Variants in TMED3 observed in about 807,000 individuals in gnomAD.
The protein encoded by TMED3 is transmembrane p24 trafficking protein 3.
Under a neutral mutation model 15.0 loss-of-function variants are expected in TMED3, and 9 were observed. The ratio of observed to expected loss-of-function variants is 0.60; its 90% CI spans 0.36 to 1.04. The LOEUF (loss-of-function observed/expected upper bound fraction) is 1.04. TMED3 is among the 50% of genes least tolerant of loss of function. TMED3 has a pLI of 0.01. For missense variants in TMED3, 267 were observed against 278.9 expected (o/e 0.96, Z 0.30); for synonymous variants, 117 against 121.4 (o/e 0.96, Z 0.24).
chr15:79,360,763 C>T (rs904856812), intron 2 of TMED3, among the ~76,000 whole-genome samples: 4 of 152,060 alleles, frequency 2.6e-5, no homozygotes, highest in Non-Finnish European at 4.4e-5. Flanking sequence ...TGCCATAAAA[C>T]GAAAAACAAT....
chr15:79,408,985 A>G (rs1213237929), intron 2 of TMED3, among the ~76,000 whole-genome samples: 5 of 152,226 alleles, frequency 3.3e-5, no homozygotes, highest in Non-Finnish European at 7.3e-5. Flanking sequence ...ACTTGACTCA[A>G]TATAGATTTC....
chr15:79,366,155 C>T (rs1356081818), intron 2 of TMED3, among the ~76,000 whole-genome samples: 1 of 152,162 alleles, frequency 6.6e-6, no homozygotes, highest in Non-Finnish European at 1.5e-5. Flanking sequence ...ATATAGCTCA[C>T]AATATCATCA....
chr15:79,343,904 G>GA (rs2058859943), intron 2 of TMED3, among the ~76,000 whole-genome samples: 1 of 152,172 alleles, frequency 6.6e-6, no homozygotes, highest in Non-Finnish European at 1.5e-5. Flanking sequence ...TTTTGGCCAT[G>GA]TTAAGTTGGA....
intron 2 of TMED3, among the ~76,000 whole-genome samples, chr15:79,335,063 T>C (rs2058822456): frequency 6.6e-6 from 1 of 151,898 alleles, no homozygotes; most frequent in African/African-American, 2.4e-5. Context: ...AAGCTGAAAG[T>C]TATTAGGGAG....
chr15:79,323,584 A>G (rs1429790909), downstream of TMED3, among the ~76,000 whole-genome samples: 6 of 152,212 alleles, frequency 3.9e-5, no homozygotes, highest in African/African-American at 7.2e-5. Context: ...TACCTAGATT[A>G]AGCACTGCAA....
At chr15:79,314,391 A>G (rs1296291133) in intron 2 of TMED3, 4 of 381,222 alleles carry the variant, frequency 1.0e-5, no homozygotes, top group Non-Finnish European at 2.1e-5. Flanking sequence ...AAGGTGCTGT[A>G]ACAAAATAAA....
chr15:79,410,499 G>A (rs1451837717), intron 2 of TMED3, among the ~76,000 whole-genome samples: 1 of 152,164 alleles, frequency 6.6e-6, no homozygotes, highest in East Asian at 1.9e-4. Context: ...CAGCATGCCA[G>A]ACAGGATGTT....
intron 2 of TMED3, among the ~76,000 whole-genome samples, chr15:79,405,443 A>C (rs1234428941): frequency 6.6e-6 from 1 of 152,124 alleles, no homozygotes; most frequent in Non-Finnish European, 1.5e-5. Context: ...CCTGCTCAAA[A>C]CTGGAAGCCT....
downstream of TMED3, among the ~76,000 whole-genome samples, chr15:79,327,585 A>G (rs1363216017): frequency 2.0e-5 from 3 of 152,248 alleles, no homozygotes; most frequent in Non-Finnish European, 4.4e-5. Context: ...TTGATCCTGT[A>G]TGCGAATGTG....
At chr15:79,403,220 CAAAAAAAAAAAAAAAAA>C (rs71150908) in intron 2 of TMED3, among the ~76,000 whole-genome samples, 12 of 65,418 alleles carry the variant, frequency 1.8e-4, no homozygotes, top group African/African-American at 7.7e-5. Context: ...GACTCTGTCT[CAAAAAAAAAAAAAAAAA>C]AAAAAAAAAA....
At chr15:79,410,118 A>T (rs965505448) in intron 2 of TMED3, among the ~76,000 whole-genome samples, 2 of 152,194 alleles carry the variant, frequency 1.3e-5, no homozygotes, top group Non-Finnish European at 2.9e-5. Flanking sequence ...GTTTAAAATG[A>T]AAAATAAGTT....
At chr15:79,348,499 A>T (rs1447438880) in intron 2 of TMED3, among the ~76,000 whole-genome samples, 1 of 152,236 alleles carries the variant, frequency 6.6e-6, no homozygotes, top group African/African-American at 2.4e-5. Flanking sequence ...TCATTAGCAA[A>T]CAATGGTATA....
chr15:79,401,050 A>G (rs1193813295), intron 2 of TMED3, among the ~76,000 whole-genome samples: 1 of 152,178 alleles, frequency 6.6e-6, no homozygotes. Context: ...GGTCTGTACT[A>G]TTCCCAGACC....
chr15:79,370,658 C>T (rs977786783), intron 2 of TMED3, among the ~76,000 whole-genome samples: 1 of 152,236 alleles, frequency 6.6e-6, no homozygotes, highest in Non-Finnish European at 1.5e-5. Context: ...TTTATGACCT[C>T]CTAAGTGACA....
intron 2 of TMED3, among the ~76,000 whole-genome samples, chr15:79,394,188 T>C (rs1307489399): frequency 6.6e-6 from 1 of 152,134 alleles, no homozygotes; most frequent in African/African-American, 2.4e-5. Context: ...AAATGGCGTT[T>C]ACATAATAAA....
downstream of TMED3, among the ~76,000 whole-genome samples, chr15:79,323,127 T>C (rs190366580): frequency 1.4e-3 from 214 of 152,338 alleles, 1 homozygote; most frequent in Non-Finnish European, 1.9e-3. Flanking sequence ...TGCTCCATCA[T>C]TTCCTTCTGA....
downstream of TMED3, among the ~76,000 whole-genome samples, chr15:79,326,406 G>A (rs555863380): frequency 6.6e-6 from 1 of 152,264 alleles, no homozygotes; most frequent in African/African-American, 2.4e-5. Flanking sequence ...CTGGGGAGCG[G>A]CACTGATTTC....
In TMED3 at chr15:79,311,152, C is replaced by A; in HGVS notation, c.-98C>A. 9 of 1,338,532 alleles carry A rather than the reference C, an allele frequency of 6.7e-6. No individual in the cohort carries two copies. The highest frequency in any genetic ancestry group is 8.9e-6 in the Non-Finnish European group (9 of 1,009,438). 82.9% of individuals were successfully genotyped at this position (1,338,532 alleles called of 1,614,324 possible). A position where few individuals can be genotyped will look rare whatever the true frequency, so the allele number is the denominator to read the frequency against. ...GAGCTCCGCTGGTGCCACGTCTATCCCCTTACATCCTCCTAGGACCCGGTC... is the reference window on the plus strand; with the variant it reads ...GAGCTCCGCTGGTGCCACGTCTATCACCTTACATCCTCCTAGGACCCGGTC... On this transcript the variant is annotated 5_prime_UTR_variant, in exon 1 of 3. Coordinates refer to ENST00000299705, the MANE Select transcript of TMED3 (RefSeq NM_007364.4).
chr15:79,360,665 G>A (rs1893108216), intron 2 of TMED3, among the ~76,000 whole-genome samples: 1 of 151,378 alleles, frequency 6.6e-6, no homozygotes, highest in Admixed American at 6.6e-5. Flanking sequence ...TATGTCCAGC[G>A]ATGCAGGTGT....
Sources: gnomAD v4.1 joint callset for allele counts (sites outside exome capture counted in the v4.1 genomes callset) on GRCh38, gnomAD v4.1.1 for gene constraint, MANE v1.5 for transcripts, NCBI Gene and HGNC (gene_info 2026-07-23, HGNC 2026-07-21) for gene names.